Variants in UBE4B observed in about 807,000 individuals in gnomAD.
The protein encoded by UBE4B is ubiquitination factor E4B.
In UBE4B, 27 loss-of-function variants were observed where a neutral mutation model predicts 148.1. The ratio of observed to expected loss-of-function variants is 0.18; its 90% CI spans 0.13 to 0.25. The LOEUF (loss-of-function observed/expected upper bound fraction) is 0.25, where lower values mean the gene tolerates loss of function less well. UBE4B is among the 10% of genes least tolerant of loss of function. The probability of loss-of-function intolerance (pLI) is 1.00; values close to 1 mark genes in which losing one functional copy is unlikely to be tolerated. For missense variants in UBE4B, 1,170 were observed against 1,662.4 expected (o/e 0.70, Z 5.15); for synonymous variants, 596 against 619.3 (o/e 0.96, Z 0.56).
chr1:10,157,958 A>T (rs961214275), intron 21 of UBE4B, among the ~76,000 whole-genome samples: 2 of 152,214 alleles, frequency 1.3e-5, no homozygotes, highest in African/African-American at 4.8e-5. Context: ...TAGTAAATAC[A>T]TGGCCCTCAA....
chr1:10,140,804 C>T (rs1236825935), intron 17 of UBE4B, among the ~76,000 whole-genome samples: 1 of 152,182 alleles, frequency 6.6e-6, no homozygotes, highest in East Asian at 1.9e-4. Context: ...AGAGGATTAT[C>T]TGAGCAAATC....
At chr1:10,179,642 G>A (rs1646477400) in intron 27 of UBE4B, 80 bp downstream of exon 27, 2 of 1,579,542 alleles carry the variant, frequency 1.3e-6, no homozygotes, top group Non-Finnish European at 8.6e-7. Flanking sequence ...TGGAGATGAA[G>A]CAGAAGGGAA....
rs564245251 is a variant in UBE4B, at chr1:10,086,470, A to G, written c.212-8991A>G. On this transcript the variant is annotated intron_variant, in intron 2 of 27. Coordinates refer to ENST00000343090, the MANE Select transcript of UBE4B (RefSeq NM_001105562.3). ...GTGACCTTGGATGTAGAGATAAATG[A>G]GGTATGGGGGGACTCAAAATCCCGT... Among the ~76,000 whole-genome samples the G allele has an allele frequency of 2.0e-5, 3 of 152,218 alleles. No individual in the cohort carries two copies. The East Asian group carries it at 5.8e-4, about 29-fold the overall frequency.
intron 26 of UBE4B, 187 bp from the exon 27 acceptor site, chr1:10,179,229 T>TC: frequency 1.5e-6 from 1 of 667,156 alleles, no homozygotes; most frequent in East Asian, 2.8e-5. Flanking sequence ...AGAAGCGCCT[T>TC]CCCCTTACAA....
intron 2 of UBE4B, among the ~76,000 whole-genome samples, chr1:10,092,522 G>A (rs2101868932): frequency 1.1e-5 from 1 of 90,540 alleles, no homozygotes; most frequent in Non-Finnish European, 2.2e-5. Flanking sequence ...GTGCCTGGCT[G>A]AGACCCATTT....
rs1210121532 is a variant in UBE4B at position 10,155,827 on chromosome 1, A to G, written c.2927-2529A>G. On this transcript the variant is annotated intron_variant, in intron 21 of 27. Coordinates refer to ENST00000343090, the MANE Select transcript of UBE4B (RefSeq NM_001105562.3). Reference sequence around the variant, plus strand: ...CACTTGAGGCCAGGAGTTTGAGACCAGCCTGGCCAACATGGCGAAACCCTG... The same window carrying G: ...CACTTGAGGCCAGGAGTTTGAGACCGGCCTGGCCAACATGGCGAAACCCTG... Among the ~76,000 whole-genome samples the G allele has an allele frequency of 2.0e-5, 3 of 152,350 alleles. No individual in the cohort carries two copies. The East Asian group carries it at 5.8e-4, about 29-fold the overall frequency.
chr1:10,121,886 G>A, intron 9 of UBE4B, 76 bp from the exon 10 acceptor site: 1 of 906,122 alleles, frequency 1.1e-6, no homozygotes, highest in East Asian at 2.6e-5. Context: ...CTGGGCAGTT[G>A]TTGCTGACAT....
At chr1:10,096,198 A>G (rs1253201798) in intron 3 of UBE4B, among the ~76,000 whole-genome samples, 1 of 152,204 alleles carries the variant, frequency 6.6e-6, no homozygotes, top group Non-Finnish European at 1.5e-5. Context: ...TTTACTAATT[A>G]GTGAAATTTA....
intron 12 of UBE4B, among the ~76,000 whole-genome samples, chr1:10,130,176 C>A (rs113948577): frequency 1.3e-5 from 2 of 151,880 alleles, no homozygotes; most frequent in Non-Finnish European, 2.9e-5. Context: ...TGGGTTCAAG[C>A]GATTCTCTTG....
At chr1:10,178,840 A>G (rs1193588087) in intron 26 of UBE4B, 22 bp downstream of exon 26, 3 of 1,564,828 alleles carry the variant, frequency 1.9e-6, no homozygotes, top group Admixed American at 2.1e-5. Flanking sequence ...CGTCGTTTTC[A>G]TGCTGATTTC....
At position 10,161,284 on chromosome 1, in the gene UBE4B, C is replaced by G. The variant is rs371058351; in HGVS notation, c.3196C>G (p.Arg1066Gly). Reference sequence around the variant, plus strand: ...CAAAGAACAGTGGGACCAGTTGCCCCGGGTGAGGACGTGGTCCAGAGGCTT... The same window carrying G: ...CAAAGAACAGTGGGACCAGTTGCCCGGGGTGAGGACGTGGTCCAGAGGCTT... ...KNKEQWDQLP[R>G]DQQQARQSQL... Residue 1066 changes from arginine (R) to glycine (G), a missense_variant and splice_region_variant, in exon 23 of 28, where the codon CGG (arginine) becomes GGG (glycine). This residue lies in a region of UBE4B where 348 missense variants were observed against 627.2 expected (regional missense o/e 0.55). Coordinates refer to ENST00000343090, the MANE Select transcript of UBE4B (RefSeq NM_001105562.3). The surrounding 1 kb of genome is among the most constrained non-coding windows in gnomAD (Gnocchi z 4.1). 1 of 1,613,750 alleles carries G rather than the reference C, an allele frequency of 6.2e-7. No individual in the cohort carries two copies. Among genetic ancestry groups the G allele is most frequent in the Non-Finnish European group, 8.5e-7 (1 of 1,179,860 alleles).
intron 5 of UBE4B, among the ~76,000 whole-genome samples, chr1:10,104,523 A>T (rs987721120): frequency 2.0e-5 from 3 of 152,160 alleles, no homozygotes; most frequent in Middle Eastern, 6.3e-3. Context: ...TATCAAGGAG[A>T]TCACCTTTCT....
intron 7 of UBE4B, among the ~76,000 whole-genome samples, chr1:10,109,041 G>GATCTAA (rs1410972099): frequency 5.9e-5 from 9 of 152,240 alleles, no homozygotes; most frequent in South Asian, 2.1e-4. Context: ...CCTTGCCTCA[G>GATCTAA]ATCTAAATTC....
At chr1:10,132,615 T>C in intron 15 of UBE4B, 133 bp downstream of exon 15, 4 of 658,832 alleles carry the variant, frequency 6.1e-6, no homozygotes, top group Non-Finnish European at 1.0e-5. Flanking sequence ...CTTCCTGCTT[T>C]TGTGGAGCCC....
chr1:10,091,616 T>A (rs1217599667), intron 2 of UBE4B, among the ~76,000 whole-genome samples: 1 of 152,074 alleles, frequency 6.6e-6, no homozygotes, highest in Admixed American at 6.6e-5. Context: ...AATTTTTATT[T>A]TTTTTTTAAG....
rs377095783 is a variant in UBE4B at position 10,105,524 on chromosome 1, G to A, written c.589G>A (p.Asp197Asn). 1.5e-4 allele frequency: 238 copies of A among 1,613,950 alleles called. No individual in the cohort carries two copies. Among genetic ancestry groups the A allele is most frequent in the Non-Finnish European group, 1.9e-4 (225 of 1,180,022 alleles). ...FKQNPKEVFS[D>N]FKDLIGQILM... ...TTCTGCCTTTCCAACAGTATTCTCCGATTTTAAGGACTTGATTGGCCAGAT... is the reference window on the plus strand; with the variant it reads ...TTCTGCCTTTCCAACAGTATTCTCCAATTTTAAGGACTTGATTGGCCAGAT... The change falls in exon 6 of 28, where the codon GAT (aspartate) becomes AAT (asparagine). Residue 197 changes from aspartate (D) to asparagine (N), a missense_variant. This residue lies in a region of UBE4B where 91 missense variants were observed against 120.5 expected (regional missense o/e 0.76). Coordinates refer to ENST00000343090, the MANE Select transcript of UBE4B (RefSeq NM_001105562.3).
intron 17 of UBE4B, among the ~76,000 whole-genome samples, chr1:10,143,181 ATCATT>A (rs1277874690): frequency 6.6e-6 from 1 of 152,138 alleles, no homozygotes; most frequent in Non-Finnish European, 1.5e-5. Flanking sequence ...AGGCAGGTGG[ATCATT>A]TGAGGTCAGA....
In UBE4B at chr1:10,180,504, T is replaced by A. The variant is rs549777823; in HGVS notation, c.*548T>A. On this transcript the variant is annotated 3_prime_UTR_variant, in exon 28 of 28. Transcript: ENST00000343090. ...TGAGATAACTGTGCCTGCTACCAAG[T>A]GTTAATCCTGGGATCGTATTTTTAT... 1 of 152,908 alleles carries A rather than the reference T, an allele frequency of 6.5e-6. No homozygotes were observed. Among genetic ancestry groups the A allele is most frequent in the South Asian group, 2.1e-4 (1 of 4,840 alleles). The allele number at this position is 152,908 out of a possible 1,614,324, so 9.5% of individuals were successfully genotyped here. A position where few individuals can be genotyped will look rare whatever the true frequency, so the allele number is the denominator to read the frequency against.
At chr1:10,130,648 C>G (rs1427340205) in intron 13 of UBE4B, 32 bp downstream of exon 13, 16 of 1,611,858 alleles carry the variant, frequency 9.9e-6, no homozygotes, top group Non-Finnish European at 1.4e-5. Flanking sequence ...ACTTTGCTGC[C>G]CTTTTATTCA....
Sources: gnomAD v4.1 joint callset for allele counts (sites outside exome capture counted in the v4.1 genomes callset) on GRCh38, gnomAD v4.1.1 for gene constraint, gnomAD v4.1.1 regional missense constraint, Gnocchi (gnomAD v3.1) non-coding constraint, MANE v1.5 for transcripts, NCBI Gene and HGNC (gene_info 2026-07-23, HGNC 2026-07-21) for gene names.